The following PLCB1 variants were observed in gnomAD, a reference collection of about 807,000 sequenced individuals.
PLCB1 encodes the protein phospholipase C beta 1.
A neutral mutation model predicts 161.8 loss-of-function variants in PLCB1; 46 were observed. The ratio of observed to expected loss-of-function variants is 0.28; its 90% confidence interval spans 0.22 to 0.36. The LOEUF is 0.36. Ranked by LOEUF, PLCB1 falls within the 10% of genes least tolerant of loss-of-function variation. The probability of loss-of-function intolerance (pLI) is 1.00; values close to 1 mark genes in which losing one functional copy is unlikely to be tolerated. For missense variants in PLCB1, 1,016 were observed against 1,472.5 expected (o/e 0.69, Z 5.07); for synonymous variants, 517 against 503.7 (o/e 1.03, Z -0.35).
chr20:8,527,924 T>G (rs568383524), intron 3 of PLCB1, among the ~76,000 whole-genome samples: 1 of 152,234 alleles, frequency 6.6e-6, no homozygotes, highest in African/African-American at 2.4e-5. Flanking sequence ...ATAGCAGAAC[T>G]ATTCCAGTAA....
intron 3 of PLCB1, among the ~76,000 whole-genome samples, chr20:8,613,254 A>C (rs1438516493): frequency 2.0e-5 from 3 of 152,248 alleles, no homozygotes; most frequent in Non-Finnish European, 2.9e-5. Flanking sequence ...GCAATCATAT[A>C]AAATGACATC....
chr20:8,343,700 C>G (rs560454239), intron 2 of PLCB1, among the ~76,000 whole-genome samples: 2 of 152,236 alleles, frequency 1.3e-5, no homozygotes, highest in Non-Finnish European at 2.9e-5. Context: ...GAGGCCTGCC[C>G]CTCTGGTTAT....
intron 10 of PLCB1, among the ~76,000 whole-genome samples, chr20:8,692,863 G>C (rs950909341): frequency 1.3e-5 from 2 of 151,984 alleles, no homozygotes; most frequent in African/African-American, 4.8e-5. Flanking sequence ...CCTCAATCTG[G>C]TAGGCATTCT....
chr20:8,242,519 A>G (rs569603249), intron 2 of PLCB1, among the ~76,000 whole-genome samples: 39 of 152,046 alleles, frequency 2.6e-4, no homozygotes, highest in African/African-American at 8.9e-4. Context: ...TGATCCTCTA[A>G]TTGAGAGGGG....
chr20:8,321,035 A>C (rs1044405668), intron 2 of PLCB1, among the ~76,000 whole-genome samples: 1 of 140,840 alleles, frequency 7.1e-6, no homozygotes, highest in Non-Finnish European at 1.5e-5. Flanking sequence ...AAAGAAAGAG[A>C]GAGAGGAGAA....
chr20:8,520,769 G>C (rs1366057846), intron 3 of PLCB1, among the ~76,000 whole-genome samples: 2 of 152,086 alleles, frequency 1.3e-5, no homozygotes, highest in Non-Finnish European at 2.9e-5. Context: ...TGTAGTCTTT[G>C]GGGTCTGGCT....
At chr20:8,719,736 C>T (rs887138311) in intron 14 of PLCB1, among the ~76,000 whole-genome samples, 9 of 152,070 alleles carry the variant, frequency 5.9e-5, no homozygotes, top group African/African-American at 1.7e-4. Context: ...TACTCAGACA[C>T]GTTTATTTGG....
At chr20:8,144,952 C>T (rs923794605) in intron 1 of PLCB1, among the ~76,000 whole-genome samples, 3 of 152,138 alleles carry the variant, frequency 2.0e-5, no homozygotes, top group Non-Finnish European at 4.4e-5. Flanking sequence ...TCAACCTTGG[C>T]CAGGAGACTT....
chr20:8,602,557 G>C (rs1048579926), intron 3 of PLCB1, among the ~76,000 whole-genome samples: 2 of 152,120 alleles, frequency 1.3e-5, no homozygotes, highest in Non-Finnish European at 2.9e-5. Flanking sequence ...AATCCTAATT[G>C]AGGAATGCAT....
chr20:8,864,129 T>G (rs1176860774), intron 31 of PLCB1, among the ~76,000 whole-genome samples: 2 of 152,228 alleles, frequency 1.3e-5, no homozygotes, highest in Non-Finnish European at 2.9e-5. Flanking sequence ...TTTTAGTTAT[T>G]TTAAAATTTG....
At chr20:8,361,006 T>C (rs1327789176) in intron 2 of PLCB1, among the ~76,000 whole-genome samples, 1 of 152,200 alleles carries the variant, frequency 6.6e-6, no homozygotes, top group South Asian at 2.1e-4. Flanking sequence ...TCAGAAAATA[T>C]GGAAGTCACC....
chr20:8,317,128 T>A (rs1984695110), intron 2 of PLCB1, among the ~76,000 whole-genome samples: 1 of 151,998 alleles, frequency 6.6e-6, no homozygotes, highest in African/African-American at 2.4e-5. Context: ...ATGACAGTAA[T>A]GTAGGTGAGC....
At chr20:8,140,163 T>C (rs2051388101) in intron 1 of PLCB1, among the ~76,000 whole-genome samples, 2 of 152,182 alleles carry the variant, frequency 1.3e-5, no homozygotes, top group South Asian at 4.1e-4. Flanking sequence ...TTCTCACCTT[T>C]CTGAATGTGG....
intron 3 of PLCB1, among the ~76,000 whole-genome samples, chr20:8,411,081 C>A (rs1979023398): frequency 6.6e-6 from 1 of 152,210 alleles, no homozygotes; most frequent in South Asian, 2.1e-4. Context: ...TTTGTTATGG[C>A]AGCCTCAGGA....
At chr20:8,526,559 C>G (rs1984591905) in intron 3 of PLCB1, among the ~76,000 whole-genome samples, 1 of 152,096 alleles carries the variant, frequency 6.6e-6, no homozygotes, top group Non-Finnish European at 1.5e-5. Flanking sequence ...TTTCCATCGG[C>G]CTTTCCTGGT....
At chr20:8,701,223 A>G (rs1382392542) in intron 11 of PLCB1, among the ~76,000 whole-genome samples, 1 of 152,194 alleles carries the variant, frequency 6.6e-6, no homozygotes, top group Admixed American at 6.5e-5. Context: ...AAGGCCCTAC[A>G]TAATCTGCAA....
At chr20:8,341,864 T>C (rs903457074) in intron 2 of PLCB1, among the ~76,000 whole-genome samples, 1 of 152,210 alleles carries the variant, frequency 6.6e-6, no homozygotes, top group Non-Finnish European at 1.5e-5. Flanking sequence ...ACTATCATCA[T>C]TTTTTGTATG....
intron 31 of PLCB1, among the ~76,000 whole-genome samples, chr20:8,807,546 A>G (rs779729683): frequency 1.3e-5 from 2 of 151,932 alleles, no homozygotes; most frequent in Non-Finnish European, 2.9e-5. Context: ...AAGTAGCTAC[A>G]ATTAAATGAA....
intron 11 of PLCB1, among the ~76,000 whole-genome samples, chr20:8,704,617 A>G (rs979907517): frequency 2.6e-5 from 4 of 152,222 alleles, no homozygotes; most frequent in Non-Finnish European, 5.9e-5. Context: ...TGCAGACCAC[A>G]TTTATCCTGT....
Sources: gnomAD v4.1 joint callset for allele counts (sites outside exome capture counted in the v4.1 genomes callset) on GRCh38, gnomAD v4.1.1 for gene constraint, MANE v1.5 for transcripts, NCBI Gene and HGNC (gene_info 2026-07-23, HGNC 2026-07-21) for gene names.